TTLL12: variants seen among roughly 807,000 people sequenced by gnomAD.
TTLL12 encodes the protein tubulin--tyrosine ligase-like protein 12.
Under a neutral mutation model 79.6 loss-of-function variants are expected in TTLL12, and 77 were observed. The observed-to-expected ratio is 0.97, with a 90% CI of 0.81 to 1.17. TTLL12 has a LOEUF of 1.17. Ranked by LOEUF, TTLL12 falls within the 50% of genes most tolerant of loss-of-function variation. The pLI is 0.00. For missense variants in TTLL12, 969 were observed against 895.9 expected (o/e 1.08, Z -1.04); for synonymous variants, 437 against 376.1 (o/e 1.16, Z -1.87).
chr22:43,178,641 T>C (rs1158726120), intron 5 of TTLL12, among the ~76,000 whole-genome samples: 1 of 152,140 alleles, frequency 6.6e-6, no homozygotes, highest in Non-Finnish European at 1.5e-5. Context: ...CACTCTCACA[T>C]GGGTCAACTC....
rs6003084 is a variant in TTLL12, at chr22:43,168,375, C to T, written c.1784-216G>A. On this transcript the variant is annotated intron_variant, in intron 13 of 13. Transcript: ENST00000216129. ...CTTCTCTAGGAGAGGCCAGGGCTGC[C>T]TCCAGCCCTAGGGATGACAGCCTGG... 3.6e-4 allele frequency among the ~76,000 whole-genome samples: 55 copies of T among 152,078 alleles called. 1 individual carries two copies. The highest frequency in any genetic ancestry group is 1.3e-3 in the African/African-American group (55 of 41,470).
At chr22:43,185,082 G>T (rs912343039) in intron 1 of TTLL12, among the ~76,000 whole-genome samples, 2 of 151,560 alleles carry the variant, frequency 1.3e-5, no homozygotes, top group Non-Finnish European at 2.9e-5. Flanking sequence ...ACAAAAATTA[G>T]CTGGGTGTGG....
chr22:43,185,990 T>C lies in TTLL12; in HGVS notation c.177+903A>G, dbSNP rs1315735516. 3.0e-6 allele frequency: 3 copies of C among 985,392 alleles called. No homozygotes were observed. In the African/African-American group the frequency reaches 5.2e-5, roughly 17 times the overall value. 61.0% of individuals were successfully genotyped at this position (985,392 alleles called of 1,614,324 possible). On this transcript the variant is annotated intron_variant, in intron 1 of 13. Coordinates refer to ENST00000216129, the MANE Select transcript of TTLL12 (RefSeq NM_015140.4). ...ACGTTTCCAGCAGGAAGGTTCCTAG[T>C]CCAATCAGGATTACACAGAGAAAAA... is the stretch of plus-strand genomic sequence containing the variant.
In TTLL12 at chr22:43,179,999, G is replaced by A; in HGVS notation, c.548C>T (p.Thr183Ile). The change falls in exon 4 of 14, where the codon ACA becomes ATA. Residue 183 changes from threonine (T) to isoleucine (I), a missense_variant and splice_region_variant. Physicochemically the swap from Thr to Ile is moderately conservative, Grantham distance 89. Coordinates refer to ENST00000216129, the MANE Select transcript of TTLL12 (RefSeq NM_015140.4). ...FNQTYQLAHG[T>I]AEEKMPVWYI... ...CCACACCGGCATCTTCTCCTCAGCT[G>A]TCTGCAGACAGAGCACATATGGCAC... The A allele has an allele frequency of 1.3e-6, 2 of 1,591,274 alleles. No individual in the cohort carries two copies. Among genetic ancestry groups the A allele is most frequent in the South Asian group, 2.2e-5 (2 of 89,438 alleles).
intron 1 of TTLL12, among the ~76,000 whole-genome samples, chr22:43,184,556 C>T (rs1436703502): frequency 6.6e-6 from 1 of 152,236 alleles, no homozygotes; most frequent in East Asian, 1.9e-4. Flanking sequence ...AGGCAGATAG[C>T]CCAGGGTGGA....
At position 43,184,959 on chromosome 22, in the gene TTLL12, G is replaced by A. The variant is rs191297890; in HGVS notation, c.178-1810C>T. On this transcript the variant is annotated intron_variant, in intron 1 of 13. Coordinates refer to ENST00000216129, the MANE Select transcript of TTLL12 (RefSeq NM_015140.4). The stretch of plus-strand genomic sequence containing the variant: ...AAAAACATCTCTTCGGCCGGCCGTG[G>A]CGGCTCACGTCTGTAATCCCAACAC... Among the ~76,000 whole-genome samples, 51 of 152,238 alleles carry A rather than the reference G, an allele frequency of 3.4e-4. No homozygotes were observed. In the Middle Eastern group the frequency reaches 0.01, roughly 30 times the overall value.
At chr22:43,176,831 C>T (rs975134211) in intron 5 of TTLL12, among the ~76,000 whole-genome samples, 1 of 152,104 alleles carries the variant, frequency 6.6e-6, no homozygotes, top group East Asian at 1.9e-4. Flanking sequence ...GCTGCTCCTC[C>T]CTCCCAACAC....
At chr22:43,173,929 G>T in intron 8 of TTLL12, 103 bp from the exon 9 acceptor site, 1 of 1,091,560 alleles carries the variant, frequency 9.2e-7, no homozygotes, top group South Asian at 1.5e-5. Context: ...CTTCTCCTTG[G>T]GAGCTGAGGG....
At chr22:43,182,575 T>TCTCAGGTC (rs1932085903) in intron 2 of TTLL12, among the ~76,000 whole-genome samples, 1 of 152,152 alleles carries the variant, frequency 6.6e-6, no homozygotes, top group Non-Finnish European at 1.5e-5. Context: ...CTGCTCTGGG[T>TCTCAGGTC]CTCAGGTCCT....
At chr22:43,180,672 T>C in intron 3 of TTLL12, 70 bp downstream of exon 3, 3 of 1,539,820 alleles carry the variant, frequency 1.9e-6, no homozygotes, top group South Asian at 1.2e-5. Context: ...CCCGGCCTGA[T>C]GGCACAGGGC....
At chr22:43,181,035 G>A (rs752235716) in intron 2 of TTLL12, 95 bp from the exon 3 acceptor site, 24 of 1,370,816 alleles carry the variant, frequency 1.8e-5, no homozygotes, top group Non-Finnish European at 2.4e-5. Context: ...TGGGACCAGG[G>A]CCCAAGCTTC....
At position 43,174,304 on chromosome 22, in the gene TTLL12, T is replaced by A. The variant is rs570148506; in HGVS notation, c.1134A>T (p.Ala378=). 1.7e-5 allele frequency: 28 copies of A among 1,610,864 alleles called. 1 individual carries two copies. In the African/African-American group the frequency reaches 2.0e-4, roughly 12 times the overall value. ...GCCAGGGTGGGCCCTCGGGGCCACCTGCCCGGCGCGCGATGGAGGCCAGGC... is the reference window on the plus strand; with the variant it reads ...GCCAGGGTGGGCCCTCGGGGCCACCAGCCCGGCGCGCGATGGAGGCCAGGC... ...KDCLASIARR[A]GGPEGPPWLP... is the part of the protein sequence containing the mutation. Residue 378 remains alanine, a synonymous_variant, in exon 8 of 14, where the codon GCA becomes GCT. Transcript: ENST00000216129.
chr22:43,185,232 A>T (rs1173255018), intron 1 of TTLL12, among the ~76,000 whole-genome samples: 1 of 131,182 alleles, frequency 7.6e-6, no homozygotes, highest in East Asian at 2.3e-4. Context: ...CGTCTCAATT[A>T]AAAAAAGAAA....
intron 13 of TTLL12, 53 bp downstream of exon 13, chr22:43,168,721 T>C (rs920838701): frequency 1.3e-6 from 2 of 1,542,818 alleles, no homozygotes; most frequent in Non-Finnish European, 1.7e-6. Context: ...TGTGGCTGGC[T>C]GGCGGAGGGG....
chr22:43,180,606 A>C (rs1601774852), intron 3 of TTLL12, 136 bp downstream of exon 3: 2 of 1,006,948 alleles, frequency 2.0e-6, no homozygotes, highest in Non-Finnish European at 3.0e-6. Flanking sequence ...CCAGGATAGC[A>C]CTCTCCTTAG....
chr22:43,169,265 G>A (rs1931700589), intron 12 of TTLL12, among the ~76,000 whole-genome samples: 2 of 152,196 alleles, frequency 1.3e-5, no homozygotes, highest in Non-Finnish European at 2.9e-5. Context: ...GGCTGTCCCA[G>A]GGGTGCCCCA....
In TTLL12 at chr22:43,179,857, C is replaced by A; in HGVS notation, c.690G>T (p.Arg230Ser). ...TGGACTTACCGCCAGTGTCCAGGTC[C>A]CTCAGGGGCCACAGCAGCGTGTAGG... ...QVAYTLLWPL[R>S]DLDTGEEVTR... The change falls in exon 4 of 14, where the codon AGG becomes AGT. Residue 230 changes from arginine (R) to serine (S), a missense_variant. Arg to Ser is a moderately radical substitution (Grantham distance 110, BLOSUM62 -1). Coordinates refer to ENST00000216129, the MANE Select transcript of TTLL12 (RefSeq NM_015140.4). The A allele has an allele frequency of 6.3e-7, 1 of 1,596,032 alleles. No homozygotes were observed.
intron 5 of TTLL12, among the ~76,000 whole-genome samples, chr22:43,177,948 A>G (rs1462192268): frequency 1.3e-5 from 2 of 152,318 alleles, no homozygotes; most frequent in South Asian, 2.1e-4. Flanking sequence ...AATGGGAAAA[A>G]ACAAGGATGC....
In TTLL12 at chr22:43,171,222, T is replaced by G. The variant is rs374416434; in HGVS notation, c.1575+597A>C. On this transcript the variant is annotated intron_variant, in intron 11 of 13. Transcript: ENST00000216129. ...TGGCCTCCTGCTTCTGTGCAGGCTG[T>G]GCCTACCTGTCCACGTACACTGGCT... Among the ~76,000 whole-genome samples the G allele has an allele frequency of 2.5e-4, 38 of 152,336 alleles. 1 individual carries two copies. The East Asian group carries it at 6.2e-3, about 25-fold the overall frequency.
Sources: gnomAD v4.1 joint callset for allele counts (sites outside exome capture counted in the v4.1 genomes callset) on GRCh38, gnomAD v4.1.1 for gene constraint, MANE v1.5 for transcripts, NCBI Gene and HGNC (gene_info 2026-07-23, HGNC 2026-07-21) for gene names.